SSTR3: variants seen among roughly 807,000 people sequenced by gnomAD.
The protein encoded by SSTR3 is somatostatin receptor 3, also known as somatostatin receptor type 3.
For missense variants in SSTR3, 504 were observed against 604.7 expected (o/e 0.83, Z 1.75); for synonymous variants, 281 against 269.2 (o/e 1.04, Z -0.43).
rs1386798293 is a variant in SSTR3, at chr22:37,206,019, G to C, written c.*528C>G. On this transcript the variant is annotated 3_prime_UTR_variant, in exon 2 of 2. Coordinates refer to ENST00000610913, the MANE Select transcript of SSTR3 (RefSeq NM_001051.5). ...CTGAGGCCTAGAGAGGAGCAGAGCT[G>C]GTCCAAGGCCTCACAGTCGAGGGGA... The C allele has an allele frequency of 2.0e-5, 3 of 153,362 alleles. No homozygotes were observed. The highest frequency in any genetic ancestry group is 4.3e-5 in the Non-Finnish European group (3 of 68,968). The allele number at this position is 153,362 out of a possible 1,614,324, so 9.5% of individuals were successfully genotyped here.
At chr22:37,216,792 TTTTTTG>T (rs898037391), upstream of SSTR3, among the ~76,000 whole-genome samples, 6 of 103,732 alleles carry the variant, frequency 5.8e-5, no homozygotes, top group Non-Finnish European at 1.0e-4. Flanking sequence ...GCCTTGGGGT[TTTTTTG>T]TTTTGTTTTG....
Position 37,207,258 on chromosome 22 carries a change from C to T in SSTR3, c.546G>A (p.Ser182=), listed in dbSNP as rs35831158. ...AGGTGCTCATGCCGCGGGGCACTCC[C>T]GAGAAGACCACCACGGGCAGCACCA... ...AVVVLPVVVF[S]GVPRGMSTCH... Residue 182 remains serine (S), a synonymous_variant, in exon 2 of 2, where the codon TCG becomes TCA. Transcript: ENST00000610913. 20 of 1,601,726 alleles carry T rather than the reference C, an allele frequency of 1.2e-5. No individual in the cohort carries two copies. The highest frequency in any genetic ancestry group is 3.4e-5 in the Admixed American group (2 of 59,136).
At chr22:37,215,562 C>G (rs1358909041), upstream of SSTR3, among the ~76,000 whole-genome samples, 1 of 152,134 alleles carries the variant, frequency 6.6e-6, no homozygotes, top group Non-Finnish European at 1.5e-5. Flanking sequence ...AAGATCTCAC[C>G]TATGTATTAC....
intron 1 of SSTR3, among the ~76,000 whole-genome samples, chr22:37,211,486 C>A (rs867785711): frequency 6.6e-6 from 1 of 152,178 alleles, no homozygotes; most frequent in African/African-American, 2.4e-5. Flanking sequence ...AGAGATTAAA[C>A]GGAGGCGTGC....
rs146025994 is a variant in SSTR3, at chr22:37,207,454, C to A, written c.350G>T (p.Arg117Leu). 1.9e-6 allele frequency: 3 copies of A among 1,613,640 alleles called. No individual in the cohort carries two copies. In the Admixed American group the frequency reaches 5.0e-5, roughly 27 times the overall value. ...SYWPFGSLMC[R>L]LVMAVDGINQ... The stretch of plus-strand genomic sequence containing the variant: ...GATGCCATCCACCGCCATGACCAGG[C>A]GGCACATGAGGGAGCCGAAGGGCCA... Residue 117 changes from arginine to leucine, a missense_variant, in exon 2 of 2, where the codon CGC becomes CTC. Arg to Leu is a moderately radical substitution (Grantham distance 102). Transcript: ENST00000610913.
chr22:37,219,228 A>G, the SSTR3 span, among the ~76,000 whole-genome samples: 2 of 152,068 alleles, frequency 1.3e-5, no homozygotes, highest in Admixed American at 6.5e-5. Context: ...TCCTTTCTGT[A>G]TTGAATATAT....
rs747027378 is a variant in SSTR3 at position 37,207,248 on chromosome 22, G to C, written c.556C>G (p.Arg186Gly). 2 of 1,605,402 alleles carry C rather than the reference G, an allele frequency of 1.2e-6. No individual in the cohort carries two copies. The highest frequency in any genetic ancestry group is 1.7e-5 in the Admixed American group (1 of 59,414). ...LPVVVFSGVPRGMSTCHMQWP... is the reference protein window; with the variant it reads ...LPVVVFSGVPGGMSTCHMQWP... ...TGCATGTGGCAGGTGCTCATGCCGCGGGGCACTCCCGAGAAGACCACCACG... is the reference window on the plus strand; with the variant it reads ...TGCATGTGGCAGGTGCTCATGCCGCCGGGCACTCCCGAGAAGACCACCACG... Residue 186 changes from arginine (R) to glycine (G), a missense_variant, in exon 2 of 2, where the codon CGC (arginine) becomes GGC (glycine). Coordinates refer to ENST00000610913, the MANE Select transcript of SSTR3 (RefSeq NM_001051.5).
chr22:37,210,245 C>T (rs1288981166), intron 1 of SSTR3, among the ~76,000 whole-genome samples: 1 of 152,220 alleles, frequency 6.6e-6, no homozygotes, highest in East Asian at 1.9e-4. Flanking sequence ...GGACATATGC[C>T]CCTGGGGTAG....
Position 37,205,992 on chromosome 22 carries a change from G to C in SSTR3, c.*555C>G, listed in dbSNP as rs1034153272. 2 of 152,454 alleles carry C rather than the reference G, an allele frequency of 1.3e-5. No homozygotes were observed. Among genetic ancestry groups the C allele is most frequent in the African/African-American group, 4.8e-5 (2 of 41,448 alleles). 9.4% of individuals were successfully genotyped at this position (152,454 alleles called of 1,614,324 possible). A position where few individuals can be genotyped will look rare whatever the true frequency, so the allele number is the denominator to read the frequency against. On this transcript the variant is annotated 3_prime_UTR_variant, in exon 2 of 2. Coordinates refer to ENST00000610913, the MANE Select transcript of SSTR3 (RefSeq NM_001051.5). ...GGTTGTTGGGTTTTACCCAGGTGAA[G>C]CCTGAGGCCTAGAGAGGAGCAGAGC...
chr22:37,217,909 G>A, the SSTR3 span, among the ~76,000 whole-genome samples: 25 of 152,024 alleles, frequency 1.6e-4, no homozygotes, highest in Non-Finnish European at 3.2e-4. Flanking sequence ...TCACCATGTT[G>A]GTCAGGCTAG....
At chr22:37,213,911 T>A (rs1022888767), upstream of SSTR3, among the ~76,000 whole-genome samples, 4 of 152,232 alleles carry the variant, frequency 2.6e-5, no homozygotes, top group African/African-American at 9.6e-5. Context: ...CACTTATTCC[T>A]GCAGGTTGGG....
chr22:37,212,746 C>T (rs887493088), upstream of SSTR3, among the ~76,000 whole-genome samples: 8 of 152,126 alleles, frequency 5.3e-5, no homozygotes, highest in African/African-American at 1.9e-4. Flanking sequence ...CAGCTGTGTC[C>T]CAAGGCAAGG....
At chr22:37,208,268 C>G (rs1399306674) in intron 1 of SSTR3, among the ~76,000 whole-genome samples, 1 of 152,250 alleles carries the variant, frequency 6.6e-6, no homozygotes, top group African/African-American at 2.4e-5. Context: ...GGACCTTCAC[C>G]TGGAAACCTG....
chr22:37,216,790 G>T (rs1926466438), upstream of SSTR3, among the ~76,000 whole-genome samples: 1 of 147,272 alleles, frequency 6.8e-6, no homozygotes, highest in South Asian at 2.1e-4. Flanking sequence ...GGGCCTTGGG[G>T]TTTTTTTGTT....
chr22:37,216,317 C>T (rs1212888879), upstream of SSTR3, among the ~76,000 whole-genome samples: 1 of 151,976 alleles, frequency 6.6e-6, no homozygotes, highest in Admixed American at 6.6e-5. Context: ...CCATTATCTA[C>T]TGACTCCTCT....
In SSTR3 at chr22:37,211,451, G is replaced by A. The variant is rs369904059; in HGVS notation, c.-37+374C>T. On this transcript the variant is annotated intron_variant, in intron 1 of 1. Coordinates refer to ENST00000610913, the MANE Select transcript of SSTR3 (RefSeq NM_001051.5). ...CAGTTTCGTCATATGGAAGACAAGC[G>A]GACCCACCTCCCAGGGTTGTTTGCA... is the stretch of plus-strand genomic sequence containing the variant. Among the ~76,000 whole-genome samples, 16 of 152,292 alleles carry A rather than the reference G, an allele frequency of 1.1e-4. No homozygotes were observed. In the East Asian group the frequency reaches 1.2e-3, roughly 11 times the overall value.
chr22:37,204,832 C>A lies in SSTR3; in HGVS notation c.*1715G>T, dbSNP rs1026620290. On this transcript the variant is annotated 3_prime_UTR_variant, in exon 2 of 2. Transcript: ENST00000610913. ...TGAGGCCCGGAAGGCCAATGCCAGCCCAGGACCCTGAGGTGTGCTGAAGAT... is the reference window on the plus strand; with the variant it reads ...TGAGGCCCGGAAGGCCAATGCCAGCACAGGACCCTGAGGTGTGCTGAAGAT... 6.6e-6 allele frequency: 1 copy of A among 152,302 alleles called. No homozygotes were observed. The highest frequency in any genetic ancestry group is 2.4e-5 in the African/African-American group (1 of 41,472). The allele number at this position is 152,302 out of a possible 1,614,324, so 9.4% of individuals were successfully genotyped here.
At chr22:37,209,501 T>C (rs1323240660) in intron 1 of SSTR3, among the ~76,000 whole-genome samples, 1 of 152,224 alleles carries the variant, frequency 6.6e-6, no homozygotes, top group Non-Finnish European at 1.5e-5. Context: ...CTCCTGAGCC[T>C]GGGACAGCAG....
rs2145794831 is a variant in SSTR3 at position 37,205,235 on chromosome 22, C to G, written c.*1312G>C. 6.5e-6 allele frequency: 1 copy of G among 152,696 alleles called. No individual in the cohort carries two copies. Among genetic ancestry groups the G allele is most frequent in the East Asian group, 1.9e-4 (1 of 5,178 alleles). 9.5% of individuals were successfully genotyped at this position (152,696 alleles called of 1,614,324 possible). A position where few individuals can be genotyped will look rare whatever the true frequency, so the allele number is the denominator to read the frequency against. ...TCTGAGGCCCCTCAGGGACGCAGGC[C>G]CTGTGCCTGTCTGTACTCTGTGCAT... On this transcript the variant is annotated 3_prime_UTR_variant, in exon 2 of 2. Transcript: ENST00000610913.
Sources: gnomAD v4.1 joint callset for allele counts (sites outside exome capture counted in the v4.1 genomes callset) on GRCh38, gnomAD v4.1.1 for gene constraint, MANE v1.5 for transcripts, NCBI Gene and HGNC (gene_info 2026-07-23, HGNC 2026-07-21) for gene names.